Variants in HYDIN observed in about 807,000 individuals in gnomAD.
The protein encoded by HYDIN is HYDIN axonemal central pair apparatus protein.
Under a neutral mutation model 403.9 loss-of-function variants are expected in HYDIN, and 132 were observed. That is an observed-to-expected ratio of 0.33 (90% CI 0.28 to 0.38). The LOEUF is 0.38. Among genes scored for constraint, HYDIN ranks in the 10% least tolerant of loss-of-function variants. The probability of loss-of-function intolerance (pLI) is 1.00; values close to 1 mark genes in which losing one functional copy is unlikely to be tolerated. For missense variants in HYDIN, 2,827 were observed against 5,009.5 expected, an observed-to-expected ratio of 0.56 and a Z score of 13.15; for synonymous variants, 1,202 against 1,891.7, an observed-to-expected ratio of 0.64 and a Z score of 9.46.
At chr16:71,000,501 C>T (rs925234803) in intron 23 of HYDIN, among the ~76,000 whole-genome samples, 14 of 149,586 alleles carry the variant, frequency 9.4e-5, no homozygotes, top group Admixed American at 4.7e-4. Context: ...CTGTATGGGC[C>T]CTAACATGGA....
chr16:71,227,515 C>A (rs1240016290), intron 1 of HYDIN, among the ~76,000 whole-genome samples: 1 of 151,962 alleles, frequency 6.6e-6, no homozygotes, highest in African/African-American at 2.4e-5. Context: ...TCTTATACAC[C>A]AATAACAGAC....
chr16:71,082,409 G>A (rs1335403491), intron 12 of HYDIN, among the ~76,000 whole-genome samples: 1 of 151,912 alleles, frequency 6.6e-6, no homozygotes, highest in African/African-American at 2.4e-5. Context: ...GTGAACTGAG[G>A]AGGAAATTTA....
At chr16:71,179,596 C>T (rs1047575063) in intron 3 of HYDIN, among the ~76,000 whole-genome samples, 5 of 152,184 alleles carry the variant, frequency 3.3e-5, no homozygotes, top group African/African-American at 1.2e-4. Context: ...TCATACAAAA[C>T]AATAATACAA....
intron 18 of HYDIN, among the ~76,000 whole-genome samples, chr16:71,054,202 G>C (rs1357596879): frequency 1.3e-5 from 2 of 152,278 alleles, no homozygotes; most frequent in Non-Finnish European, 2.9e-5. Flanking sequence ...CTACTATTTT[G>C]TAAAACCCAT....
At chr16:71,061,861 A>AGTGTGT (rs66689823) in intron 17 of HYDIN, among the ~76,000 whole-genome samples, 20,765 of 143,930 alleles carry the variant, frequency 0.14, 1,744 homozygotes, top group East Asian at 0.37. Context: ...CATGTGTGAC[A>AGTGTGT]GTGTGTGTGT....
In HYDIN at chr16:70,804,329, C is replaced by T. The variant is rs1031128639; in HGVS notation, c.*3251G>A. Reference sequence around the variant, plus strand: ...CACTGTGCAGTAACAGACCAATGCACAGAGACAGTGGGGATGCAGCAGAGA... The same window carrying T: ...CACTGTGCAGTAACAGACCAATGCATAGAGACAGTGGGGATGCAGCAGAGA... On this transcript the variant is annotated 3_prime_UTR_variant, in exon 86 of 86. Transcript: ENST00000393567. Among the ~76,000 whole-genome samples, 2 of 152,174 alleles carry T rather than the reference C, an allele frequency of 1.3e-5. No homozygotes were observed. Among genetic ancestry groups the T allele is most frequent in the African/African-American group, 4.8e-5 (2 of 41,442 alleles).
At chr16:70,949,834 T>C (rs1001847543) in intron 41 of HYDIN, among the ~76,000 whole-genome samples, 5 of 152,304 alleles carry the variant, frequency 3.3e-5, no homozygotes, top group Non-Finnish European at 7.3e-5. Context: ...GGAGTCAGAA[T>C]TGGGATGTTC....
In HYDIN at chr16:71,132,967, C is replaced by G. The variant is rs113586766; in HGVS notation, c.1044-3144G>C. The G allele has an allele frequency of 1.5e-3, 283 of 193,132 alleles. 5 individuals carry two copies. The highest frequency in any genetic ancestry group is 6.4e-3 in the African/African-American group (265 of 41,366). 12.0% of individuals were successfully genotyped at this position (193,132 alleles called of 1,614,324 possible). On this transcript the variant is annotated intron_variant, in intron 8 of 85. Coordinates refer to ENST00000393567, the MANE Select transcript of HYDIN (RefSeq NM_001270974.2). Reference sequence around the variant, plus strand: ...GGTTCTCTTTTATAGATGAGGAGACCTTTCATCAGACAGCATAACAGCAGG... The same window carrying G: ...GGTTCTCTTTTATAGATGAGGAGACGTTTCATCAGACAGCATAACAGCAGG...
At chr16:70,996,296 C>T (rs1259946198) in intron 23 of HYDIN, among the ~76,000 whole-genome samples, 3 of 152,316 alleles carry the variant, frequency 2.0e-5, no homozygotes, top group African/African-American at 7.2e-5. Context: ...GAATCCACTA[C>T]AGTGTTGTAG....
intron 21 of HYDIN, among the ~76,000 whole-genome samples, chr16:71,025,115 G>T (rs1166631056): frequency 1.3e-5 from 2 of 152,170 alleles, no homozygotes; most frequent in Non-Finnish European, 2.9e-5. Context: ...TGACTAAAAT[G>T]CATATTCAGT....
chr16:71,090,421 A>G (rs1224357038), intron 11 of HYDIN: 1 of 151,592 alleles, frequency 6.6e-6, no homozygotes, highest in Non-Finnish European at 1.5e-5. Context: ...TAAATTTATT[A>G]ATTTATGTAA....
At chr16:71,132,008 T>C (rs1306894897) in intron 8 of HYDIN, 1 of 149,872 alleles carries the variant, frequency 6.7e-6, no homozygotes, top group Non-Finnish European at 1.5e-5. Flanking sequence ...ACTTTTGTAA[T>C]AAAAAAGCAA....
chr16:70,951,055 C>A (rs370012991), intron 41 of HYDIN, among the ~76,000 whole-genome samples: 1 of 152,012 alleles, frequency 6.6e-6, no homozygotes, highest in African/African-American at 2.4e-5. Context: ...GGCAACACAG[C>A]GAGATCCCAT....
At chr16:71,179,909 G>A (rs975921294) in intron 3 of HYDIN, among the ~76,000 whole-genome samples, 2 of 152,186 alleles carry the variant, frequency 1.3e-5, no homozygotes, top group Non-Finnish European at 2.9e-5. Context: ...GTGAGTTCAC[G>A]GTTGCGCCCT....
In HYDIN at chr16:70,932,588, G is replaced by GT. The variant is rs200476751; in HGVS notation, c.7158+3363dup. Among the ~76,000 whole-genome samples the GT allele has an allele frequency of 7.3e-3, 1,081 of 148,268 alleles. 3 individuals are homozygous for GT. The highest frequency in any genetic ancestry group is 0.022 in the African/African-American group (890 of 40,958). ...AGACAGGGAAGGGGCTAAGAAGTGG[G>GT]TTTTTTTTTTTGTTGGTTTTCGTTT... On this transcript the variant is annotated intron_variant, in intron 45 of 85. Transcript: ENST00000393567.
intron 43 of HYDIN, 35 bp from the exon 44 acceptor site, chr16:70,938,790 A>G (rs774698809): frequency 6.2e-7 from 1 of 1,611,200 alleles, no homozygotes; most frequent in Non-Finnish European, 8.5e-7. Context: ...GGTGAGGAAA[A>G]GTCCTTCTCA....
intron 10 of HYDIN, among the ~76,000 whole-genome samples, chr16:71,110,483 A>G (rs986805747): frequency 6.3e-5 from 9 of 143,222 alleles, no homozygotes; most frequent in Non-Finnish European, 1.2e-4. Flanking sequence ...ATAAATATAT[A>G]TAATATATAT....
intron 5 of HYDIN, among the ~76,000 whole-genome samples, chr16:71,172,524 T>TA (rs2086508597): frequency 6.6e-6 from 1 of 152,022 alleles, no homozygotes; most frequent in African/African-American, 2.4e-5. Context: ...ATCATTTTTT[T>TA]TAAAAAGTCT....
At chr16:71,125,476 C>T (rs2144500776) in intron 9 of HYDIN, among the ~76,000 whole-genome samples, 1 of 152,312 alleles carries the variant, frequency 6.6e-6, no homozygotes, top group Non-Finnish European at 1.5e-5. Context: ...GAGTCTGATC[C>T]TAAATTGGAG....
Sources: gnomAD v4.1 joint callset for allele counts (sites outside exome capture counted in the v4.1 genomes callset) on GRCh38, gnomAD v4.1.1 for gene constraint, MANE v1.5 for transcripts, NCBI Gene and HGNC (gene_info 2026-07-23, HGNC 2026-07-21) for gene names.